Variants in PCDH15 observed in about 807,000 individuals in gnomAD.
PCDH15 encodes the protein protocadherin related 15.
Under a neutral mutation model 178.5 loss-of-function variants are expected in PCDH15, and 129 were observed. The ratio of observed to expected loss-of-function variants is 0.72; its 90% CI spans 0.63 to 0.84. The LOEUF is 0.84. PCDH15 is among the 40% of genes least tolerant of loss of function. The pLI, the probability that PCDH15 is intolerant of heterozygous loss-of-function variation, is 0.00. For synonymous variants in PCDH15, 800 were observed against 732.0 expected (o/e 1.09, Z -1.50); for missense variants, 2,230 against 2,099.9 (o/e 1.06, Z -1.21).
chr10:54,552,075 C>T (rs2086678614), intron 2 of PCDH15, among the ~76,000 whole-genome samples: 1 of 152,038 alleles, frequency 6.6e-6, no homozygotes, highest in Admixed American at 6.6e-5. Context: ...GTAATAATTT[C>T]ACACCTATAA....
rs1953935799 is a variant in PCDH15 at position 54,866,101 on chromosome 10, G to GT, written c.-29+31348dup. ...AACATGGAATTAGACCTGGAAAAAT[G>GT]TTTGAGTGATCATAGTCTACTTCAG... On this transcript the variant is annotated intron_variant, in intron 3 of 5. Coordinates refer to the PCDH15 transcript ENST00000458638. 2.0e-5 allele frequency among the ~76,000 whole-genome samples: 3 copies of GT among 152,298 alleles called. No individual in the cohort carries two copies. The South Asian group carries it at 6.2e-4, about 32-fold the overall frequency.
chr10:54,454,011 A>G (rs1005489394), intron 3 of PCDH15, among the ~76,000 whole-genome samples: 1 of 151,854 alleles, frequency 6.6e-6, no homozygotes, highest in South Asian at 2.1e-4. Context: ...ATATAAATGT[A>G]TATTTATATA....
At chr10:55,283,916 A>G (rs1172176862) in intron 1 of PCDH15, among the ~76,000 whole-genome samples, 1 of 152,110 alleles carries the variant, frequency 6.6e-6, no homozygotes, top group African/African-American at 2.4e-5. Flanking sequence ...TCATTTTTGA[A>G]TGTCTATTAC....
intron 1 of PCDH15, among the ~76,000 whole-genome samples, chr10:54,779,432 A>ATG (rs1555192714): frequency 4.7e-5 from 5 of 105,344 alleles, no homozygotes; most frequent in Non-Finnish European, 8.6e-5. Flanking sequence ...ACACACACAT[A>ATG]TGTGTATATA....
At chr10:54,968,887 GTTTA>G (rs1204086152) in intron 2 of PCDH15, among the ~76,000 whole-genome samples, 2 of 151,656 alleles carry the variant, frequency 1.3e-5, no homozygotes, top group African/African-American at 4.8e-5. Context: ...CTTCAAACGT[GTTTA>G]TTTTTTTGTT....
chr10:54,315,141 A>G (rs1373001735), intron 8 of PCDH15, among the ~76,000 whole-genome samples: 1 of 152,130 alleles, frequency 6.6e-6, no homozygotes, highest in Non-Finnish European at 1.5e-5. Flanking sequence ...GAACTAATTT[A>G]TACTCCCACC....
At chr10:55,478,339 A>G (rs1840104388) in intron 2 of PCDH15, among the ~76,000 whole-genome samples, 1 of 151,718 alleles carries the variant, frequency 6.6e-6, no homozygotes, top group Non-Finnish European at 1.5e-5. Flanking sequence ...TATTTAAAAA[A>G]CATTCCATCC....
chr10:53,895,841 A>G (rs192392086), intron 26 of PCDH15, among the ~76,000 whole-genome samples: 1 of 152,276 alleles, frequency 6.6e-6, no homozygotes, highest in East Asian at 1.9e-4. Flanking sequence ...TTTTTCACAG[A>G]AAGTTAGTAT....
intron 11 of PCDH15, among the ~76,000 whole-genome samples, chr10:54,192,154 A>AAGAAAGAAAAAAAG (rs1554832302): frequency 1.5e-5 from 2 of 132,566 alleles, no homozygotes; most frequent in Admixed American, 1.6e-4. Flanking sequence ...GAAAGAAAGA[A>AAGAAAGAAAAAAAG]AAAGAAAGAA....
chr10:54,671,084 A>T (rs1451849536), intron 1 of PCDH15, among the ~76,000 whole-genome samples: 1 of 152,146 alleles, frequency 6.6e-6, no homozygotes, highest in Admixed American at 6.6e-5. Flanking sequence ...GGAGCAAGCA[A>T]AGGGAAATAT....
intron 18 of PCDH15, among the ~76,000 whole-genome samples, chr10:54,060,367 A>G (rs183017126): frequency 5.3e-5 from 8 of 152,302 alleles, no homozygotes; most frequent in Admixed American, 5.2e-4. Flanking sequence ...CAACTACCGT[A>G]TTTCGAAAAA....
chr10:55,398,894 CTT>C (rs1323273193), intron 2 of PCDH15, among the ~76,000 whole-genome samples: 29 of 152,074 alleles, frequency 1.9e-4, no homozygotes, highest in African/African-American at 6.7e-4. Context: ...AATATGCACT[CTT>C]ATGGGATAAG....
At chr10:54,238,513 T>C (rs2054864935) in intron 8 of PCDH15, among the ~76,000 whole-genome samples, 1 of 152,040 alleles carries the variant, frequency 6.6e-6, no homozygotes, top group Non-Finnish European at 1.5e-5. Context: ...TTGTTGGTAG[T>C]AGCAACTTAC....
chr10:54,879,982 T>C (rs1954231165), intron 3 of PCDH15, among the ~76,000 whole-genome samples: 1 of 151,872 alleles, frequency 6.6e-6, no homozygotes, highest in Non-Finnish European at 1.5e-5. Context: ...AAAGTTTCAG[T>C]TCTTCCCTAT....
At chr10:55,236,969 A>C (rs113195328) in intron 1 of PCDH15, among the ~76,000 whole-genome samples, 1 of 152,096 alleles carries the variant, frequency 6.6e-6, no homozygotes, top group Non-Finnish European at 1.5e-5. Context: ...ACGTGTACGC[A>C]TCACTGGATC....
chr10:55,075,420 C>T lies in PCDH15; in HGVS notation c.-80+91156G>A, dbSNP rs1841862996. ...CTTGCTCAGTCACCAGGCTGGAGTG[C>T]AGTGGTGCAATCTCAGCTCACAGCA... On this transcript the variant is annotated intron_variant, in intron 2 of 5. Coordinates refer to the PCDH15 transcript ENST00000458638. 2.8e-5 allele frequency among the ~76,000 whole-genome samples: 4 copies of T among 142,966 alleles called. No individual in the cohort carries two copies. In the Admixed American group the frequency reaches 2.9e-4, roughly 10 times the overall value. The allele number at this position is 142,966 out of a possible 152,430, so 93.8% of individuals were successfully genotyped here.
At chr10:55,160,078 C>T (rs1839021407) in intron 2 of PCDH15, among the ~76,000 whole-genome samples, 1 of 150,930 alleles carries the variant, frequency 6.6e-6, no homozygotes, top group African/African-American at 2.4e-5. Flanking sequence ...TAATTGTTGT[C>T]TCTGTTTCGC....
At chr10:55,079,152 G>C (rs546837217) in intron 2 of PCDH15, among the ~76,000 whole-genome samples, 1 of 151,900 alleles carries the variant, frequency 6.6e-6, no homozygotes, top group African/African-American at 2.4e-5. Context: ...GTTCTTTTGG[G>C]TATATCCCAC....
chr10:55,346,353 G>T (rs946515326), intron 2 of PCDH15, among the ~76,000 whole-genome samples: 1 of 152,142 alleles, frequency 6.6e-6, no homozygotes. Flanking sequence ...CCTACAATCA[G>T]AAATTCTATG....
Sources: gnomAD v4.1 joint callset for allele counts (sites outside exome capture counted in the v4.1 genomes callset) on GRCh38, gnomAD v4.1.1 for gene constraint, MANE v1.5 for transcripts, NCBI Gene and HGNC (gene_info 2026-07-23, HGNC 2026-07-21) for gene names.